GABPB2: variants seen among roughly 807,000 people sequenced by gnomAD.
GABPB2 encodes the protein GA binding protein transcription factor subunit beta 2.
GABPB2 carries 23 observed loss-of-function variants against 39.1 expected under a neutral mutation model. That is an observed-to-expected ratio of 0.59 (90% CI 0.42 to 0.83). The LOEUF (loss-of-function observed/expected upper bound fraction) is 0.83, where lower values mean the gene tolerates loss of function less well. Ranked by LOEUF, GABPB2 falls within the 40% of genes least tolerant of loss-of-function variation. GABPB2 has a pLI of 0.00. For synonymous variants in GABPB2, 184 were observed against 199.3 expected (o/e 0.92, Z 0.65); for missense variants, 467 against 541.1 (o/e 0.86, Z 1.36).
At chr1:151,078,008 C>T (rs587679972) in intron 1 of GABPB2, among the ~76,000 whole-genome samples, 4 of 151,710 alleles carry the variant, frequency 2.6e-5, no homozygotes, top group East Asian at 3.9e-4. Context: ...CGGTGGCTCA[C>T]GCCTGTAATC....
intron 5 of GABPB2, among the ~76,000 whole-genome samples, chr1:151,103,270 T>C (rs1028486385): frequency 7.9e-5 from 12 of 151,220 alleles, no homozygotes; most frequent in African/African-American, 2.2e-4. Context: ...AGGATGGTCT[T>C]GAACTCCTGA....
Position 151,092,298 on chromosome 1 carries a change from G to A in GABPB2, c.277-894G>A, listed in dbSNP as rs587650379. On this transcript the variant is annotated intron_variant, in intron 3 of 8. Transcript: ENST00000368918. ...ATTTTTATATTTTTAGTAGAGATGGGGTTTAACCATGTTGGCCAGGATGGT... is the reference window on the plus strand; with the variant it reads ...ATTTTTATATTTTTAGTAGAGATGGAGTTTAACCATGTTGGCCAGGATGGT... Among the ~76,000 whole-genome samples, 199 of 151,474 alleles carry A rather than the reference G, an allele frequency of 1.3e-3. 1 individual carries two copies. Among genetic ancestry groups the A allele is most frequent in the African/African-American group, 4.6e-3 (191 of 41,278 alleles).
intron 7 of GABPB2, among the ~76,000 whole-genome samples, chr1:151,113,081 A>T (rs775015461): frequency 6.8e-6 from 1 of 147,424 alleles, no homozygotes; most frequent in Non-Finnish European, 1.5e-5. Context: ...TAGCCCCTCA[A>T]TTTTTTTTTT....
rs182051561 is a variant in GABPB2, at chr1:151,094,641, G to A, written c.471+1255G>A. 3.1e-3 allele frequency among the ~76,000 whole-genome samples: 464 copies of A among 150,032 alleles called. 7 individuals are homozygous for A. The highest frequency in any genetic ancestry group is 0.011 in the African/African-American group (437 of 40,886). On this transcript the variant is annotated intron_variant, in intron 4 of 8. Transcript: ENST00000368918. Reference sequence around the variant, plus strand: ...TGGGATTACAGGCGTGAGCCACTGCGCCTGGCCTGCCCATTAATTTCTTAA... The same window carrying A: ...TGGGATTACAGGCGTGAGCCACTGCACCTGGCCTGCCCATTAATTTCTTAA...
intron 7 of GABPB2, among the ~76,000 whole-genome samples, chr1:151,107,836 T>C (rs1680090565): frequency 6.6e-6 from 1 of 151,800 alleles, no homozygotes; most frequent in Non-Finnish European, 1.5e-5. Context: ...CTCAGGAGGC[T>C]GAAGTGGAGG....
At chr1:151,088,732 G>A (rs1222984685) in intron 2 of GABPB2, among the ~76,000 whole-genome samples, 1 of 152,204 alleles carries the variant, frequency 6.6e-6, no homozygotes, top group Non-Finnish European at 1.5e-5. Context: ...TGAGCGTGGT[G>A]GCTCACGCCT....
At chr1:151,089,128 G>C (rs1007844870) in intron 2 of GABPB2, among the ~76,000 whole-genome samples, 1 of 152,170 alleles carries the variant, frequency 6.6e-6, no homozygotes, top group Admixed American at 6.6e-5. Context: ...GTTATAATGT[G>C]GGCTTTCTTA....
intron 1 of GABPB2, among the ~76,000 whole-genome samples, chr1:151,071,976 A>G (rs776000411): frequency 3.3e-5 from 5 of 152,130 alleles, no homozygotes; most frequent in Non-Finnish European, 7.4e-5. Context: ...CCCCAACCCA[A>G]CGTCTTTGGA....
At chr1:151,096,596 G>A (rs1679116809) in intron 4 of GABPB2, among the ~76,000 whole-genome samples, 1 of 152,022 alleles carries the variant, frequency 6.6e-6, no homozygotes, top group Admixed American at 6.6e-5. Flanking sequence ...GATTATGTTT[G>A]TAGAAAATTG....
intron 1 of GABPB2, among the ~76,000 whole-genome samples, chr1:151,079,541 A>G (rs1677468769): frequency 1.3e-5 from 2 of 152,078 alleles, no homozygotes; most frequent in Non-Finnish European, 2.9e-5. Flanking sequence ...ACCCTGTCTC[A>G]GTAAATAAAT....
intron 1 of GABPB2, among the ~76,000 whole-genome samples, chr1:151,074,396 C>T (rs1456951731): frequency 1.3e-5 from 2 of 151,444 alleles, no homozygotes; most frequent in African/African-American, 4.9e-5. Flanking sequence ...CTGCAAGCTC[C>T]ACTTCCTGGG....
intron 7 of GABPB2, among the ~76,000 whole-genome samples, chr1:151,110,813 A>T (rs989418327): frequency 2.0e-5 from 3 of 152,182 alleles, no homozygotes; most frequent in Non-Finnish European, 4.4e-5. Context: ...AACAGATTTC[A>T]TGAGTTATCT....
At chr1:151,098,124 G>A (rs1381179014) in intron 5 of GABPB2, 122 bp downstream of exon 5, 9 of 806,036 alleles carry the variant, frequency 1.1e-5, no homozygotes, top group African/African-American at 3.5e-5. Flanking sequence ...CAAAGCAGAA[G>A]ATTTGTAATA....
chr1:151,115,211 T>C (rs193234351), intron 7 of GABPB2, among the ~76,000 whole-genome samples: 1 of 151,398 alleles, frequency 6.6e-6, no homozygotes, highest in African/African-American at 2.4e-5. Context: ...AAATACAAAA[T>C]TAGCCGAGTG....
intron 5 of GABPB2, among the ~76,000 whole-genome samples, chr1:151,102,308 G>A (rs1679587652): frequency 1.3e-5 from 2 of 152,120 alleles, no homozygotes; most frequent in African/African-American, 2.4e-5. Flanking sequence ...GAGACAGAGC[G>A]AGACTCCATC....
intron 2 of GABPB2, among the ~76,000 whole-genome samples, chr1:151,089,368 A>C (rs185420403): frequency 6.6e-6 from 1 of 152,244 alleles, no homozygotes; most frequent in Non-Finnish European, 1.5e-5. Flanking sequence ...AGAATAAACT[A>C]AACAGGCTTA....
intron 4 of GABPB2, among the ~76,000 whole-genome samples, chr1:151,096,979 T>G (rs587659413): frequency 6.6e-6 from 1 of 152,246 alleles, no homozygotes; most frequent in Admixed American, 6.5e-5. Flanking sequence ...TGACACCAAC[T>G]TGGCTTACCG....
intron 4 of GABPB2, among the ~76,000 whole-genome samples, 167 bp downstream of exon 4, chr1:151,093,553 A>G (rs1357526735): frequency 6.6e-6 from 1 of 151,460 alleles, no homozygotes; most frequent in Non-Finnish European, 1.5e-5. Flanking sequence ...ACAGCTATGT[A>G]TAGAATATAT....
At chr1:151,103,991 G>A (rs999278525) in intron 6 of GABPB2, among the ~76,000 whole-genome samples, 1 of 152,110 alleles carries the variant, frequency 6.6e-6, no homozygotes, top group Admixed American at 6.6e-5. Flanking sequence ...GATACTCTAT[G>A]TTATGTTTTG....
Sources: gnomAD v4.1 joint callset for allele counts (sites outside exome capture counted in the v4.1 genomes callset) on GRCh38, gnomAD v4.1.1 for gene constraint, MANE v1.5 for transcripts, NCBI Gene and HGNC (gene_info 2026-07-23, HGNC 2026-07-21) for gene names.